FSTL4: variants seen among roughly 807,000 people sequenced by gnomAD.
The protein encoded by FSTL4 is follistatin like 4.
In FSTL4, 28 loss-of-function variants were observed where a neutral mutation model predicts 78.2. The ratio of observed to expected loss-of-function variants is 0.36; its 90% CI spans 0.27 to 0.49. The LOEUF is 0.49. FSTL4 is among the 20% of genes least tolerant of loss of function. The pLI is 0.98. For synonymous variants in FSTL4, 422 were observed against 440.5 expected (o/e 0.96, Z 0.53); for missense variants, 922 against 1,084.9 (o/e 0.85, Z 2.11).
chr5:133,199,142 A>G lies in FSTL4; in HGVS notation c.2482T>C (p.Ser828Pro). The change falls in exon 16 of 16, where the codon TCA becomes CCA. Residue 828 changes from serine to proline, a missense_variant. Physicochemically the swap from Ser to Pro is moderately conservative, Grantham distance 74 (BLOSUM62 -1). Coordinates refer to ENST00000265342, the MANE Select transcript of FSTL4 (RefSeq NM_015082.2). The surrounding 1 kb of genome is among the most constrained non-coding windows in gnomAD (Gnocchi z 4.4). ...GRQNTLRCEV[S>P]GIKGGTTVVW... is the part of the protein sequence containing the mutation. ...ACTGTGGTCCCCCCCTTTATACCTG[A>G]CACCTCACACCGCAGCGTGTTTTGT... is the stretch of plus-strand genomic sequence containing the variant. The G allele has an allele frequency of 6.3e-7, 1 of 1,588,078 alleles. No homozygotes were observed. Among genetic ancestry groups the G allele is most frequent in the Non-Finnish European group, 8.6e-7 (1 of 1,164,314 alleles).
At chr5:133,721,507 C>T in the FSTL4 span, among the ~76,000 whole-genome samples, 1 of 152,152 alleles carries the variant, frequency 6.6e-6, no homozygotes, top group African/African-American at 2.4e-5. Context: ...TTGGGAAAGA[C>T]TTTACTTCTC....
intron 4 of FSTL4, among the ~76,000 whole-genome samples, chr5:133,349,830 C>A (rs563113293): frequency 7.1e-5 from 10 of 140,162 alleles, no homozygotes; most frequent in Non-Finnish European, 1.1e-4. Context: ...TGCTGCCATG[C>A]GACTGTAAAG....
At chr5:133,635,370 C>A in the FSTL4 span, among the ~76,000 whole-genome samples, 10 of 152,172 alleles carry the variant, frequency 6.6e-5, no homozygotes, top group Non-Finnish European at 1.3e-4. Flanking sequence ...GTGAAGTAAT[C>A]CAATTGCTTC....
At chr5:133,415,888 CATTGGAGGT>C (rs1258451661) in intron 3 of FSTL4, among the ~76,000 whole-genome samples, 1 of 152,166 alleles carries the variant, frequency 6.6e-6, no homozygotes, top group Non-Finnish European at 1.5e-5. Flanking sequence ...GTTGGACTGG[CATTGGAGGT>C]ATTGAAGTGA....
chr5:133,490,391 G>T (rs1339858263), intron 3 of FSTL4, among the ~76,000 whole-genome samples: 8 of 151,194 alleles, frequency 5.3e-5, no homozygotes, highest in African/African-American at 1.7e-4. Context: ...TTTCCAGGGG[G>T]CCAGATTTTG....
chr5:133,325,869 C>T (rs1754199230), intron 4 of FSTL4, among the ~76,000 whole-genome samples: 1 of 152,232 alleles, frequency 6.6e-6, no homozygotes, highest in South Asian at 2.1e-4. Flanking sequence ...ACATTAGCAA[C>T]ACTGGTTCCC....
At chr5:133,677,872 G>A in the FSTL4 span, among the ~76,000 whole-genome samples, 1 of 152,164 alleles carries the variant, frequency 6.6e-6, no homozygotes, top group Non-Finnish European at 1.5e-5. Flanking sequence ...TGAGAAGAAT[G>A]CAATAAACAA....
chr5:133,418,642 C>T (rs1223022039), intron 3 of FSTL4, among the ~76,000 whole-genome samples: 1 of 152,164 alleles, frequency 6.6e-6, no homozygotes, highest in African/African-American at 2.4e-5. Context: ...AATTACTATA[C>T]AGCTACAAAA....
the FSTL4 span, among the ~76,000 whole-genome samples, chr5:133,625,002 T>C: frequency 6.6e-6 from 1 of 151,796 alleles, no homozygotes; most frequent in Admixed American, 6.6e-5. Flanking sequence ...TAATTCTTTT[T>C]ATATTTTGTT....
At chr5:133,799,333 A>T in the FSTL4 span, among the ~76,000 whole-genome samples, 2 of 138,490 alleles carry the variant, frequency 1.4e-5, no homozygotes, top group East Asian at 4.0e-4. Context: ...GCCCACTGTG[A>T]CCAGCACCCA....
At chr5:133,710,183 C>A in the FSTL4 span, among the ~76,000 whole-genome samples, 2 of 152,182 alleles carry the variant, frequency 1.3e-5, no homozygotes, top group African/African-American at 4.8e-5. Flanking sequence ...CCCCACAATG[C>A]CTATTCCTTG....
At chr5:133,735,585 C>T in the FSTL4 span, among the ~76,000 whole-genome samples, 16 of 152,278 alleles carry the variant, frequency 1.1e-4, no homozygotes, top group African/African-American at 2.6e-4. Flanking sequence ...TTAATCGCTG[C>T]GGCTGCCTTC....
intron 3 of FSTL4, among the ~76,000 whole-genome samples, chr5:133,548,530 A>G (rs1239715541): frequency 1.3e-5 from 2 of 152,224 alleles, no homozygotes; most frequent in Non-Finnish European, 2.9e-5. Flanking sequence ...AACAAAGTCT[A>G]AACATGAACA....
At chr5:133,499,127 A>G (rs1445593659) in intron 3 of FSTL4, among the ~76,000 whole-genome samples, 2 of 152,152 alleles carry the variant, frequency 1.3e-5, no homozygotes, top group African/African-American at 4.8e-5. Context: ...TCGACCACAC[A>G]GTTGCAGACT....
the FSTL4 span, among the ~76,000 whole-genome samples, chr5:133,711,684 T>C: frequency 6.6e-6 from 1 of 152,234 alleles, no homozygotes. Context: ...CCTGATCTGA[T>C]GTAGTTTTCT....
intron 3 of FSTL4, among the ~76,000 whole-genome samples, chr5:133,508,765 A>C (rs1438746978): frequency 1.3e-5 from 2 of 152,240 alleles, no homozygotes; most frequent in Non-Finnish European, 2.9e-5. Flanking sequence ...AAATAGCTTT[A>C]AAATAGCATT....
the FSTL4 span, among the ~76,000 whole-genome samples, chr5:133,647,937 C>T: frequency 1.5e-4 from 23 of 152,190 alleles, 1 homozygote; most frequent in African/African-American, 5.1e-4. Context: ...AGGTCTTTCC[C>T]GTGCTGTTCT....
chr5:133,247,466 C>CA (rs1033722112), intron 7 of FSTL4: 4 of 152,230 alleles, frequency 2.6e-5, no homozygotes, highest in African/African-American at 9.7e-5. Context: ...AATGCTCCCA[C>CA]AGACACAGGT....
chr5:133,675,345 C>G, the FSTL4 span, among the ~76,000 whole-genome samples: 3 of 152,192 alleles, frequency 2.0e-5, no homozygotes, highest in African/African-American at 4.8e-5. Flanking sequence ...GCCAATATCT[C>G]CAAATCGCAA....
Sources: allele counts gnomAD v4.1 joint callset (sites outside exome capture counted in the v4.1 genomes callset), GRCh38; gene constraint gnomAD v4.1.1; non-coding constraint Gnocchi (gnomAD v3.1); transcripts MANE v1.5; gene names NCBI Gene and HGNC (gene_info 2026-07-23, HGNC 2026-07-21).